CDK14: variants seen among roughly 807,000 people sequenced by gnomAD.
CDK14 encodes cyclin-dependent kinase 14.
In CDK14, 34 loss-of-function variants were observed where a neutral mutation model predicts 60.7. The ratio of observed to expected loss-of-function variants is 0.56; its 90% CI spans 0.43 to 0.75. The LOEUF (loss-of-function observed/expected upper bound fraction) is 0.75, where lower values mean the gene tolerates loss of function less well. Among genes scored for constraint, CDK14 ranks in the 30% least tolerant of loss-of-function variants. The pLI is 0.00. For synonymous variants in CDK14, 197 were observed against 203.7 expected (o/e 0.97, Z 0.28); for missense variants, 482 against 564.1 (o/e 0.85, Z 1.47).
rs565555527 is a variant in CDK14 at position 90,763,339 on chromosome 7, C to T, written c.464+15564C>T. On this transcript the variant is annotated intron_variant, in intron 4 of 14. Coordinates refer to ENST00000380050, the MANE Select transcript of CDK14 (RefSeq NM_001287135.2). ...AGCTGCCAATATTTCAAGGCCTGGACCCAGAACTGGCACAGTGCTCCTTTC... is the reference window on the plus strand; with the variant it reads ...AGCTGCCAATATTTCAAGGCCTGGATCCAGAACTGGCACAGTGCTCCTTTC... 3.9e-5 allele frequency among the ~76,000 whole-genome samples: 6 copies of T among 152,186 alleles called. No individual in the cohort carries two copies. In the South Asian group the frequency reaches 1.2e-3, roughly 32 times the overall value.
At chr7:90,982,298 A>G (rs968493868) in intron 9 of CDK14, among the ~76,000 whole-genome samples, 1 of 152,182 alleles carries the variant, frequency 6.6e-6, no homozygotes, top group Non-Finnish European at 1.5e-5. Flanking sequence ...GGAATTTGCT[A>G]TCAAGAGTAA....
chr7:91,119,666 T>C (rs1410020094), intron 14 of CDK14, among the ~76,000 whole-genome samples: 1 of 152,194 alleles, frequency 6.6e-6, no homozygotes, highest in Non-Finnish European at 1.5e-5. Flanking sequence ...TCTGCCAGTA[T>C]CTTGAGCTAC....
At chr7:90,935,126 G>A (rs1246401573) in intron 8 of CDK14, among the ~76,000 whole-genome samples, 1 of 152,174 alleles carries the variant, frequency 6.6e-6, no homozygotes, top group Non-Finnish European at 1.5e-5. Flanking sequence ...GCAAGAAAGA[G>A]AGACAAAAGA....
In CDK14 at chr7:90,744,809, C is replaced by G. The variant is rs1328631341; in HGVS notation, c.370-2872C>G. ...CTGCCGGACGGGGCGGCTGGCCGGG[C>G]GGGGGGCTGACGCCCCCACCTCCCT... On this transcript the variant is annotated intron_variant, in intron 3 of 14. Transcript: ENST00000380050. Among the ~76,000 whole-genome samples, 1,054 of 119,312 alleles carry G rather than the reference C, an allele frequency of 8.8e-3. 105 individuals are homozygous for G. The highest frequency in any genetic ancestry group is 0.03 in the African/African-American group (955 of 31,438). 78.3% of individuals were successfully genotyped at this position (119,312 alleles called of 152,430 possible).
intron 5 of CDK14, among the ~76,000 whole-genome samples, chr7:90,828,162 T>G (rs1328955117): frequency 6.6e-6 from 1 of 152,216 alleles, no homozygotes; most frequent in Non-Finnish European, 1.5e-5. Flanking sequence ...TATTTAAAAC[T>G]AAATATTTCC....
At chr7:91,005,281 C>T (rs992641512) in intron 10 of CDK14, among the ~76,000 whole-genome samples, 2 of 152,240 alleles carry the variant, frequency 1.3e-5, no homozygotes, top group East Asian at 1.9e-4. Flanking sequence ...AACACCACTT[C>T]GTGGTGGGTG....
chr7:91,164,462 C>T (rs906505643), intron 14 of CDK14, among the ~76,000 whole-genome samples: 3 of 152,096 alleles, frequency 2.0e-5, no homozygotes, highest in Non-Finnish European at 4.4e-5. Context: ...GAAACATGTC[C>T]AGCTAGTAAG....
At chr7:90,596,774 C>T in intron 1 of CDK14, 56 bp downstream of exon 1, 4 of 1,431,788 alleles carry the variant, frequency 2.8e-6, no homozygotes, top group South Asian at 1.2e-5. Context: ...GGCCTGCGCC[C>T]CCGCCGCGTT....
Position 91,053,131 on chromosome 7 carries a change from G to A in CDK14, c.1105+7171G>A, listed in dbSNP as rs1256159307. ...ATCATTTCAGAAATAAAATACTATGGTGATAACACCTTACGTTTTATGCTA... is the reference window on the plus strand; with the variant it reads ...ATCATTTCAGAAATAAAATACTATGATGATAACACCTTACGTTTTATGCTA... On this transcript the variant is annotated intron_variant, in intron 11 of 14. Coordinates refer to ENST00000380050, the MANE Select transcript of CDK14 (RefSeq NM_001287135.2). Among the ~76,000 whole-genome samples, 6 of 152,222 alleles carry A rather than the reference G, an allele frequency of 3.9e-5. No individual in the cohort carries two copies. The South Asian group carries it at 6.2e-4, about 16-fold the overall frequency.
intron 12 of CDK14, among the ~76,000 whole-genome samples, chr7:91,089,588 G>A (rs1183039485): frequency 1.3e-5 from 2 of 150,706 alleles, no homozygotes; most frequent in African/African-American, 4.9e-5. Context: ...AAAAAAAACA[G>A]GCAACTGTTT....
intron 14 of CDK14, among the ~76,000 whole-genome samples, chr7:91,174,246 C>T (rs904623545): frequency 5.9e-5 from 9 of 152,126 alleles, no homozygotes; most frequent in Non-Finnish European, 7.4e-5. Flanking sequence ...AGCTGAGGGT[C>T]CTCTCTGTTA....
At chr7:90,679,832 A>G (rs930241554) in intron 2 of CDK14, among the ~76,000 whole-genome samples, 1 of 152,208 alleles carries the variant, frequency 6.6e-6, no homozygotes, top group East Asian at 1.9e-4. Context: ...TGAATTTTTA[A>G]AAATGATCTT....
chr7:90,732,415 G>A (rs1802904972), intron 3 of CDK14, among the ~76,000 whole-genome samples: 2 of 152,184 alleles, frequency 1.3e-5, no homozygotes, highest in Admixed American at 6.5e-5. Context: ...AGAAGGAATG[G>A]TACCAGCTCC....
At chr7:90,852,419 G>C (rs944643674) in intron 5 of CDK14, among the ~76,000 whole-genome samples, 2 of 152,110 alleles carry the variant, frequency 1.3e-5, no homozygotes, top group Admixed American at 6.6e-5. Flanking sequence ...ATGTATTCCT[G>C]TCTTGCTTTT....
intron 8 of CDK14, among the ~76,000 whole-genome samples, chr7:90,947,938 C>T (rs566821142): frequency 1.7e-3 from 253 of 152,198 alleles, no homozygotes; most frequent in African/African-American, 5.9e-3. Context: ...TTAGTCTTAC[C>T]TTACTTGACA....
At chr7:90,822,861 G>T (rs572125344) in intron 5 of CDK14, among the ~76,000 whole-genome samples, 1 of 152,160 alleles carries the variant, frequency 6.6e-6, no homozygotes, top group Non-Finnish European at 1.5e-5. Context: ...AGAATGCTAG[G>T]AATCTTTAAT....
At chr7:90,894,303 TTA>T (rs1385051861) in intron 6 of CDK14, among the ~76,000 whole-genome samples, 1 of 152,168 alleles carries the variant, frequency 6.6e-6, no homozygotes, top group South Asian at 2.1e-4. Flanking sequence ...TTTACAGAGA[TTA>T]TGTCACCTGC....
intron 2 of CDK14, among the ~76,000 whole-genome samples, chr7:90,719,122 GA>G (rs1802354635): frequency 6.6e-6 from 1 of 152,082 alleles, no homozygotes; most frequent in Non-Finnish European, 1.5e-5. Flanking sequence ...AAAAACAAAT[GA>G]AAGAGGTTGT....
At chr7:90,826,141 C>A (rs1789713984) in intron 5 of CDK14, among the ~76,000 whole-genome samples, 2 of 152,128 alleles carry the variant, frequency 1.3e-5, no homozygotes, top group East Asian at 1.9e-4. Context: ...ATTTCACAAT[C>A]AAAAAACTTT....
Sources: allele counts gnomAD v4.1 joint callset (sites outside exome capture counted in the v4.1 genomes callset), GRCh38; gene constraint gnomAD v4.1.1; transcripts MANE v1.5; gene names NCBI Gene and HGNC (gene_info 2026-07-23, HGNC 2026-07-21).